The following MLLT3 variants were observed in gnomAD, a reference collection of about 807,000 sequenced individuals.
MLLT3 encodes MLLT3 super elongation complex subunit.
MLLT3 carries 4 observed loss-of-function variants against 53.2 expected under a neutral mutation model. The observed-to-expected ratio is 0.08, with a 90% CI of 0.04 to 0.17. MLLT3 has a LOEUF of 0.17. Ranked by LOEUF, MLLT3 falls within the 10% of genes least tolerant of loss-of-function variation. The pLI, the probability that MLLT3 is intolerant of heterozygous loss-of-function variation, is 1.00. For missense variants in MLLT3, 569 were observed against 684.0 expected (o/e 0.83, Z 1.87); for synonymous variants, 283 against 230.6 (o/e 1.23, Z -2.06).
In MLLT3 at chr9:20,361,884, T is replaced by C. The variant is rs556304232; in HGVS notation, c.1332-1043A>G. Among the ~76,000 whole-genome samples, 5 of 152,334 alleles carry C rather than the reference T, an allele frequency of 3.3e-5. No homozygotes were observed. In the South Asian group the frequency reaches 8.3e-4, roughly 25 times the overall value. On this transcript the variant is annotated intron_variant, in intron 7 of 10. Transcript: ENST00000380338. ...AGGATAGTTTTTCTTTCACTCTGAA[T>C]AGGCAATCACATTCTAGCTCTATAA...
intron 2 of MLLT3, among the ~76,000 whole-genome samples, chr9:20,597,397 G>A (rs1820301071): frequency 1.3e-5 from 2 of 151,792 alleles, no homozygotes; most frequent in African/African-American, 2.4e-5. Flanking sequence ...TCCATAAGGA[G>A]CTAGAGGTCT....
chr9:20,479,231 T>C (rs1824602436), intron 2 of MLLT3, among the ~76,000 whole-genome samples: 1 of 152,178 alleles, frequency 6.6e-6, no homozygotes. Context: ...AGGGGGTTCC[T>C]GGCTCTTTTT....
chr9:20,368,761 C>G (rs997965095), intron 5 of MLLT3, among the ~76,000 whole-genome samples: 5 of 152,142 alleles, frequency 3.3e-5, no homozygotes, highest in African/African-American at 1.2e-4. Flanking sequence ...AAGACCTTGC[C>G]TCTGCCACAA....
chr9:20,578,126 G>A (rs933048099), intron 2 of MLLT3, among the ~76,000 whole-genome samples: 3 of 152,158 alleles, frequency 2.0e-5, no homozygotes, highest in Non-Finnish European at 4.4e-5. Flanking sequence ...ATTAGTGGCT[G>A]GCATGATAGA....
chr9:20,521,745 T>G (rs1454680251), intron 2 of MLLT3, among the ~76,000 whole-genome samples: 1 of 152,168 alleles, frequency 6.6e-6, no homozygotes, highest in Non-Finnish European at 1.5e-5. Flanking sequence ...AAATAGGTAT[T>G]GAATCCTGGA....
intron 8 of MLLT3, among the ~76,000 whole-genome samples, chr9:20,359,147 A>C (rs1821254359): frequency 7.7e-6 from 1 of 130,220 alleles, no homozygotes; most frequent in South Asian, 2.3e-4. Flanking sequence ...CTCCATCTCA[A>C]AAAAAAAAAA....
At chr9:20,589,294 G>T (rs1354105909) in intron 2 of MLLT3, among the ~76,000 whole-genome samples, 9 of 151,646 alleles carry the variant, frequency 5.9e-5, no homozygotes, top group African/African-American at 1.7e-4. Context: ...GGGACATGGA[G>T]GAAATTGGAA....
At chr9:20,588,847 C>G (rs1417285159) in intron 2 of MLLT3, among the ~76,000 whole-genome samples, 1 of 152,120 alleles carries the variant, frequency 6.6e-6, no homozygotes, top group Non-Finnish European at 1.5e-5. Flanking sequence ...CTCACCATCA[C>G]TGGCCATCAG....
At chr9:20,405,755 A>C (rs1468166211) in intron 5 of MLLT3, among the ~76,000 whole-genome samples, 1 of 152,212 alleles carries the variant, frequency 6.6e-6, no homozygotes, top group Non-Finnish European at 1.5e-5. Context: ...AGGATAACAC[A>C]AACTATTTAC....
intron 2 of MLLT3, among the ~76,000 whole-genome samples, chr9:20,619,128 T>G (rs1184106591): frequency 6.6e-6 from 1 of 152,208 alleles, no homozygotes; most frequent in Non-Finnish European, 1.5e-5. Context: ...AAATTTGACA[T>G]CGCTCATCCT....
chr9:20,501,408 T>C (rs1465269604), intron 2 of MLLT3, among the ~76,000 whole-genome samples: 3 of 152,148 alleles, frequency 2.0e-5, no homozygotes, highest in African/African-American at 7.2e-5. Context: ...ACCATGATTA[T>C]TACTTACAAT....
Position 20,363,727 on chromosome 9 carries a change from T to C in MLLT3, c.1202-122A>G. On this transcript the variant is annotated intron_variant, in intron 6 of 10. Transcript: ENST00000380338. ...GTTAAAAATAATCATCATATATATT[T>C]ATACAATTTACAAGGCAAATTTGGT... 4 of 868,060 alleles carry C rather than the reference T, an allele frequency of 4.6e-6. No individual in the cohort carries two copies. In the South Asian group the frequency reaches 1.7e-4, roughly 37 times the overall value. The allele number at this position is 868,060 out of a possible 1,614,324, so 53.8% of individuals were successfully genotyped here. A position where few individuals can be genotyped will look rare whatever the true frequency, so the allele number is the denominator to read the frequency against.
At chr9:20,373,117 G>A (rs1490062892) in intron 5 of MLLT3, among the ~76,000 whole-genome samples, 1 of 152,052 alleles carries the variant, frequency 6.6e-6, no homozygotes, top group Non-Finnish European at 1.5e-5. Context: ...CTCATAGAGT[G>A]AGGGCACTGA....
chr9:20,347,532 G>C (rs562574014), intron 10 of MLLT3, among the ~76,000 whole-genome samples: 2 of 152,304 alleles, frequency 1.3e-5, no homozygotes, highest in Admixed American at 1.3e-4. Flanking sequence ...CACTTCTGAA[G>C]TCTCAACATT....
At chr9:20,546,502 C>CCACT (rs1818791633) in intron 2 of MLLT3, among the ~76,000 whole-genome samples, 1 of 151,310 alleles carries the variant, frequency 6.6e-6, no homozygotes, top group African/African-American at 2.4e-5. Context: ...TCTGATCACA[C>CCACT]CACTGCACTC....
rs201384457 is a variant in MLLT3, at chr9:20,483,241, A to AT, written c.194-26456dup. ...ATTACTACAAATTATTATTATTATT[A>AT]TTTTTTTTTTTGAGACAGGTTCTTG... On this transcript the variant is annotated intron_variant, in intron 2 of 10. Coordinates refer to ENST00000380338, the MANE Select transcript of MLLT3 (RefSeq NM_004529.4). 2.6e-4 allele frequency among the ~76,000 whole-genome samples: 38 copies of AT among 148,840 alleles called. 1 individual carries two copies. The highest frequency in any genetic ancestry group is 4.2e-4 in the South Asian group (2 of 4,736).
chr9:20,606,711 G>C (rs769692140), intron 2 of MLLT3, among the ~76,000 whole-genome samples: 1 of 151,912 alleles, frequency 6.6e-6, no homozygotes, highest in Non-Finnish European at 1.5e-5. Flanking sequence ...TTTTCTCCAA[G>C]TAAGCAAATC....
In MLLT3 at chr9:20,397,368, G is replaced by A. The variant is rs557684144; in HGVS notation, c.1125+16353C>T. On this transcript the variant is annotated intron_variant, in intron 5 of 10. Transcript: ENST00000380338. ...ACATTGGCTTCTCAGTGAGTATAAC[G>A]TTCAACTTTTGGGAGCAGAAGTACA... Among the ~76,000 whole-genome samples the A allele has an allele frequency of 9.9e-5, 15 of 152,172 alleles. No homozygotes were observed. The South Asian group carries it at 1.7e-3, about 17-fold the overall frequency.
rs367811334 is a variant in MLLT3 at position 20,369,303 on chromosome 9, G to A, written c.1126-3559C>T. 2.1e-4 allele frequency among the ~76,000 whole-genome samples: 32 copies of A among 152,292 alleles called. 1 individual carries two copies. The South Asian group carries it at 6.4e-3, about 31-fold the overall frequency. On this transcript the variant is annotated intron_variant, in intron 5 of 10. Transcript: ENST00000380338. Reference sequence around the variant, plus strand: ...TAAAAAGCTCACAAGAGATACTGGTGAAAACTACAGGATGAGGCCACTGAT... The same window carrying A: ...TAAAAAGCTCACAAGAGATACTGGTAAAAACTACAGGATGAGGCCACTGAT...
Sources: allele counts gnomAD v4.1 joint callset (sites outside exome capture counted in the v4.1 genomes callset), GRCh38; gene constraint gnomAD v4.1.1; transcripts MANE v1.5; gene names NCBI Gene and HGNC (gene_info 2026-07-23, HGNC 2026-07-21).